The following RALGAPA2 variants were observed in gnomAD, a reference collection of about 807,000 sequenced individuals.
RALGAPA2 encodes the protein Ral GTPase activating protein catalytic subunit alpha 2.
RALGAPA2 carries 139 observed loss-of-function variants against 230.4 expected under a neutral mutation model. The observed-to-expected ratio is 0.60, with a 90% CI of 0.53 to 0.69. RALGAPA2 has a LOEUF of 0.69. Among genes scored for constraint, RALGAPA2 ranks in the 30% least tolerant of loss-of-function variants. The pLI is 0.00. For synonymous variants in RALGAPA2, 847 were observed against 837.8 expected, an observed-to-expected ratio of 1.01 and a Z score of -0.19; for missense variants, 2,163 against 2,276.0, an observed-to-expected ratio of 0.95 and a Z score of 1.01.
At chr20:20,582,198 CTG>C (rs2065009959) in intron 20 of RALGAPA2, among the ~76,000 whole-genome samples, 1 of 110,316 alleles carries the variant, frequency 9.1e-6, no homozygotes, top group Non-Finnish European at 2.0e-5. Flanking sequence ...GTGTGTGTGT[CTG>C]TGTGTGTGTA....
At chr20:20,548,871 C>T (rs938436216) in intron 23 of RALGAPA2, among the ~76,000 whole-genome samples, 4 of 152,176 alleles carry the variant, frequency 2.6e-5, no homozygotes, top group Non-Finnish European at 2.9e-5. Context: ...TCAAGCTATC[C>T]GGCAGCAGAT....
rs185997487 is a variant in RALGAPA2, at chr20:20,394,860, T to C, written c.*36-1607A>G. Among the ~76,000 whole-genome samples the C allele has an allele frequency of 1.0e-3, 122 of 117,148 alleles. 2 individuals are homozygous for C. The highest frequency in any genetic ancestry group is 6.3e-4 in the Admixed American group (5 of 7,924). The allele number at this position is 117,148 out of a possible 152,430, so 76.9% of individuals were successfully genotyped here. A position where few individuals can be genotyped will look rare whatever the true frequency, so the allele number is the denominator to read the frequency against. On this transcript the variant is annotated intron_variant, in intron 39 of 39. Transcript: ENST00000202677. ...AATATTCCAACAGCCCAGCCCACTA[T>C]GGTAATCAGATTGATTCTAATAAAT...
At chr20:20,686,968 C>A (rs1373236516) in intron 1 of RALGAPA2, among the ~76,000 whole-genome samples, 1 of 152,156 alleles carries the variant, frequency 6.6e-6, no homozygotes, top group African/African-American at 2.4e-5. Flanking sequence ...AATGACCCCC[C>A]TGCACCTTCT....
In RALGAPA2 at chr20:20,512,573, C is replaced by A. The variant is rs749458611; in HGVS notation, c.4796G>T (p.Gly1599Val). The change falls in exon 32 of 40, where the codon GGA becomes GTA. Residue 1599 changes from glycine to valine, a missense_variant. Physicochemically the swap from Gly to Val is moderately radical, Grantham distance 109. Transcript: ENST00000202677. ...CAATAACCTGCAGAAATAAAAGGGT[C>A]CTCGGGGCTCCACTGGGGAGGGCTG... is the stretch of plus-strand genomic sequence containing the variant. The part of the protein sequence containing the change: ...QGQPSPVEPR[G>V]PFYFCRLLLD... 6.2e-7 allele frequency: 1 copy of A among 1,613,512 alleles called. No individual in the cohort carries two copies. Among genetic ancestry groups the A allele is most frequent in the Non-Finnish European group, 8.5e-7 (1 of 1,179,734 alleles).
chr20:20,620,480 C>T lies in RALGAPA2; in HGVS notation c.1384G>A (p.Glu462Lys), dbSNP rs371945271. The change falls in exon 11 of 40, where the codon GAG becomes AAG. Residue 462 changes from glutamate (E) to lysine (K), a missense_variant. Glu to Lys is a moderately conservative substitution (Grantham distance 56, BLOSUM62 1). Transcript: ENST00000202677. ...AAAATTACCTCCTTGCTATCAGTCT[C>T]GGAAAATCCTAATTTTTCAGCATCT... ...QEDAEKLGFS[E>K]TDSKEASSES... 10 of 1,613,588 alleles carry T rather than the reference C, an allele frequency of 6.2e-6. No individual in the cohort carries two copies. Among genetic ancestry groups the T allele is most frequent in the Non-Finnish European group, 8.5e-6 (10 of 1,179,796 alleles).
At chr20:20,510,959 A>C (rs1040390923) in intron 33 of RALGAPA2, among the ~76,000 whole-genome samples, 2 of 152,224 alleles carry the variant, frequency 1.3e-5, no homozygotes, top group Non-Finnish European at 2.9e-5. Flanking sequence ...CATCATAAGG[A>C]GGTGGTTGCA....
intron 3 of RALGAPA2, among the ~76,000 whole-genome samples, chr20:20,668,324 A>T (rs1439344377): frequency 6.6e-6 from 1 of 151,974 alleles, no homozygotes; most frequent in Non-Finnish European, 1.5e-5. Context: ...AATTGCTTGA[A>T]CCCATGAGGC....
intron 36 of RALGAPA2, among the ~76,000 whole-genome samples, chr20:20,482,656 A>G (rs1297005648): frequency 6.6e-6 from 1 of 152,194 alleles, no homozygotes; most frequent in Non-Finnish European, 1.5e-5. Flanking sequence ...AAATAAACAG[A>G]AAGACTGTGG....
At chr20:20,648,043 T>C (rs1252152537) in intron 4 of RALGAPA2, among the ~76,000 whole-genome samples, 1 of 152,182 alleles carries the variant, frequency 6.6e-6, no homozygotes, top group African/African-American at 2.4e-5. Context: ...ATGTTTATAG[T>C]AGCTTTACTT....
intron 3 of RALGAPA2, among the ~76,000 whole-genome samples, chr20:20,670,129 C>T (rs1042822070): frequency 1.1e-4 from 17 of 152,234 alleles, no homozygotes; most frequent in Admixed American, 7.2e-4. Flanking sequence ...TCCATGAGGA[C>T]GGGAGGCTCT....
Position 20,513,188 on chromosome 20 carries a change from C to A in RALGAPA2, c.4181G>T (p.Gly1394Val), listed in dbSNP as rs756457336. The A allele has an allele frequency of 3.3e-6, 5 of 1,529,378 alleles. No homozygotes were observed. The highest frequency in any genetic ancestry group is 4.4e-6 in the Non-Finnish European group (5 of 1,142,238). 94.7% of individuals were successfully genotyped at this position (1,529,378 alleles called of 1,614,324 possible). Residue 1394 changes from glycine to valine, a missense_variant, in exon 32 of 40, where the codon GGC (glycine) becomes GTC (valine). Coordinates refer to ENST00000202677, the MANE Select transcript of RALGAPA2 (RefSeq NM_020343.4). ...GACAAGGCTGTGCAGTATGGCAGGG[C>A]CCCCACTGAGGGGGTAGTGCCCCAG... ...NHLGHYPLSG[G>V]PAILHSLVSE...
chr20:20,476,718 T>TAAAA lies in RALGAPA2; in HGVS notation c.5368-3766_5368-3763dup, dbSNP rs1169958747. On this transcript the variant is annotated intron_variant, in intron 36 of 39. Transcript: ENST00000202677. ...ATAAATAAATAAATAAATAAATAAATAAAAGAAAATACATTGGACTATATA... is the reference window on the plus strand; with the variant it reads ...ATAAATAAATAAATAAATAAATAAATAAAAAAAAGAAAATACATTGGACTATATA... Among the ~76,000 whole-genome samples, 281 of 146,252 alleles carry TAAAA rather than the reference T, an allele frequency of 1.9e-3. 1 individual carries two copies. Among genetic ancestry groups the TAAAA allele is most frequent in the Middle Eastern group, 3.5e-3 (1 of 286 alleles).
chr20:20,512,767 G>C lies in RALGAPA2; in HGVS notation c.4602C>G (p.Cys1534Trp), dbSNP rs765390123. Residue 1534 changes from cysteine to tryptophan, a missense_variant, in exon 32 of 40, where the codon TGC (cysteine) becomes TGG (tryptophan). Coordinates refer to ENST00000202677, the MANE Select transcript of RALGAPA2 (RefSeq NM_020343.4). ...TTAGATTTAGCTGTGACGGTAAAAG[G>C]CATTCAGGACTTGTATGGCCAATGT... ...LENIGHTSPECLLPSQLNLNE... is the reference protein window; with the variant it reads ...LENIGHTSPEWLLPSQLNLNE... 5.6e-6 allele frequency: 9 copies of C among 1,613,696 alleles called. No individual in the cohort carries two copies. In the East Asian group the frequency reaches 2.0e-4, roughly 36 times the overall value.
intron 14 of RALGAPA2, among the ~76,000 whole-genome samples, chr20:20,605,991 C>T (rs979658723): frequency 6.6e-6 from 1 of 152,138 alleles, no homozygotes; most frequent in Non-Finnish European, 1.5e-5. Context: ...ACCCCTTCCT[C>T]GGAGTCTTCA....
chr20:20,666,198 G>T (rs954069567), intron 3 of RALGAPA2, among the ~76,000 whole-genome samples: 1 of 152,220 alleles, frequency 6.6e-6, no homozygotes, highest in Non-Finnish European at 1.5e-5. Context: ...AGACTTTGGG[G>T]ATGAGAGATG....
chr20:20,470,137 C>A (rs2061506465), intron 37 of RALGAPA2, among the ~76,000 whole-genome samples: 1 of 152,130 alleles, frequency 6.6e-6, no homozygotes, highest in African/African-American at 2.4e-5. Flanking sequence ...CAGCCAAGGG[C>A]TCCCAAATAA....
Position 20,472,874 on chromosome 20 carries a change from T to C in RALGAPA2, c.5450A>G (p.Asn1817Ser). The C allele has an allele frequency of 6.2e-7, 1 of 1,613,662 alleles. No homozygotes were observed. Among genetic ancestry groups the C allele is most frequent in the Non-Finnish European group, 8.5e-7 (1 of 1,179,692 alleles). Residue 1817 changes from asparagine to serine, a missense_variant, in exon 37 of 40, where the codon AAC (asparagine) becomes AGC (serine). Coordinates refer to ENST00000202677, the MANE Select transcript of RALGAPA2 (RefSeq NM_020343.4). Reference sequence around the variant, plus strand: ...GAGGCACTTCACAGCCCTGCTGGCGTTGATGCACGTGGCACATACAAGGCT... The same window carrying C: ...GAGGCACTTCACAGCCCTGCTGGCGCTGATGCACGTGGCACATACAAGGCT... ...LPSLVCATCI[N>S]ASRAVKCLIP... is the part of the protein sequence containing the mutation.
intron 30 of RALGAPA2, among the ~76,000 whole-genome samples, chr20:20,521,833 C>T (rs2063050683): frequency 6.6e-6 from 1 of 152,126 alleles, no homozygotes; most frequent in Non-Finnish European, 1.5e-5. Flanking sequence ...TAAGAAAACA[C>T]CATTGGGTTA....
chr20:20,583,275 C>A, intron 19 of RALGAPA2, 49 bp from the exon 20 acceptor site: 1 of 1,524,824 alleles, frequency 6.6e-7, no homozygotes, highest in Non-Finnish European at 8.9e-7. Context: ...AGCTGAAAAT[C>A]AGAATGTTCA....
Sources: gnomAD v4.1 joint callset for allele counts (sites outside exome capture counted in the v4.1 genomes callset) on GRCh38, gnomAD v4.1.1 for gene constraint, MANE v1.5 for transcripts, NCBI Gene and HGNC (gene_info 2026-07-23, HGNC 2026-07-21) for gene names.